Variants in COTL1 observed in about 807,000 individuals in gnomAD.
COTL1 encodes coactosin like F-actin binding protein 1, also known as coactosin-like protein.
COTL1 carries 15 observed loss-of-function variants against 16.5 expected under a neutral mutation model. The observed-to-expected ratio is 0.91, with a 90% confidence interval of 0.61 to 1.40. COTL1 has a LOEUF of 1.40. COTL1 is among the 40% of genes most tolerant of loss of function. The pLI is 0.00. For missense variants in COTL1, 220 were observed against 201.5 expected, an observed-to-expected ratio of 1.09 and a Z score of -0.56; for synonymous variants, 112 against 85.3, an observed-to-expected ratio of 1.31 and a Z score of -1.73.
intron 3 of COTL1, among the ~76,000 whole-genome samples, chr16:84,574,251 T>A (rs375798749): frequency 1.3e-5 from 2 of 152,328 alleles, no homozygotes; most frequent in African/African-American, 4.8e-5. Flanking sequence ...GCCCTGGGGA[T>A]GCGTTCCTGG....
intron 3 of COTL1, among the ~76,000 whole-genome samples, chr16:84,589,462 G>C (rs1904809177): frequency 6.6e-6 from 1 of 152,166 alleles, no homozygotes; most frequent in Non-Finnish European, 1.5e-5. Flanking sequence ...CGCAGTAAGA[G>C]GGAGAGATTC....
Position 84,590,844 on chromosome 16 carries a change from A to G in COTL1, c.161-582T>C, listed in dbSNP as rs1904844154. Among the ~76,000 whole-genome samples, 1 of 152,088 alleles carries G rather than the reference A, an allele frequency of 6.6e-6. No individual in the cohort carries two copies. Among genetic ancestry groups the G allele is most frequent in the South Asian group, 2.1e-4 (1 of 4,826 alleles). ...TACACTGTAGAGAGACAGGAGGGGC[A>G]AGGGGGGTGCTGGGTATGAAGAGGA... On this transcript the variant is annotated intron_variant, in intron 2 of 3. Transcript: ENST00000262428. The surrounding 1 kb of genome is among the most constrained non-coding windows in gnomAD (Gnocchi z 5.5).
rs533314316 is a variant in COTL1 at position 84,571,837 on chromosome 16, C to T, written c.319-4882G>A. 1.5e-4 allele frequency among the ~76,000 whole-genome samples: 23 copies of T among 152,342 alleles called. 1 individual carries two copies. Among genetic ancestry groups the T allele is most frequent in the Admixed American group, 1.4e-3 (21 of 15,308 alleles). On this transcript the variant is annotated intron_variant, in intron 3 of 3. Coordinates refer to ENST00000262428, the MANE Select transcript of COTL1 (RefSeq NM_021149.5). ...CTGCTCCTGAGTGGACACCGAGCCGCTCCCACCTTCTATAGGGCCAGCAGC... is the reference window on the plus strand; with the variant it reads ...CTGCTCCTGAGTGGACACCGAGCCGTTCCCACCTTCTATAGGGCCAGCAGC...
At chr16:84,572,339 T>C (rs1053268948) in intron 3 of COTL1, among the ~76,000 whole-genome samples, 2 of 152,104 alleles carry the variant, frequency 1.3e-5, no homozygotes, top group Non-Finnish European at 2.9e-5. Flanking sequence ...GACACAGCAC[T>C]TGCCAGCACC....
At chr16:84,591,184 ATTT>A (rs561534827) in intron 2 of COTL1, among the ~76,000 whole-genome samples, 2 of 139,516 alleles carry the variant, frequency 1.4e-5, no homozygotes, top group African/African-American at 2.7e-5. Flanking sequence ...ATATTCTGGA[ATTT>A]TTTTTTTTTT....
intron 3 of COTL1, 47 bp from the exon 4 acceptor site, chr16:84,567,002 A>T (rs1904301821): frequency 7.3e-7 from 1 of 1,376,802 alleles, no homozygotes; most frequent in African/African-American, 1.4e-5. Flanking sequence ...GAAGGAAGGC[A>T]CAGGATGTGA....
At chr16:84,616,920 C>T (rs1009964352) in intron 2 of COTL1, among the ~76,000 whole-genome samples, 9 of 152,154 alleles carry the variant, frequency 5.9e-5, no homozygotes, top group Non-Finnish European at 1.3e-4. Context: ...GCTATCTAGC[C>T]CCAAAAGCTA....
In COTL1 at chr16:84,566,582, A is replaced by G. The variant is rs1378934902; in HGVS notation, c.*263T>C. ...GCAGGCAGGACCTTGCATCAAAATG[A>G]CTTTTCTTTAGAACAAAAAAGAGGG... is the stretch of plus-strand genomic sequence containing the variant. On this transcript the variant is annotated 3_prime_UTR_variant, in exon 4 of 4. Transcript: ENST00000262428. 9.5e-6 allele frequency: 4 copies of G among 420,804 alleles called. No homozygotes were observed. Among genetic ancestry groups the G allele is most frequent in the African/African-American group, 8.1e-5 (4 of 49,528 alleles). The allele number at this position is 420,804 out of a possible 1,614,324, so 26.1% of individuals were successfully genotyped here.
chr16:84,612,716 G>C (rs761273532), intron 2 of COTL1, among the ~76,000 whole-genome samples: 1 of 152,104 alleles, frequency 6.6e-6, no homozygotes, highest in Non-Finnish European at 1.5e-5. Flanking sequence ...CCGGGAGGCA[G>C]AGGCTGCACT....
At chr16:84,576,635 A>C (rs977518918) in intron 3 of COTL1, 1 of 152,196 alleles carries the variant, frequency 6.6e-6, no homozygotes, top group Admixed American at 6.5e-5. Context: ...TGAAAGAAGA[A>C]GGCTGGACAA....
intron 2 of COTL1, among the ~76,000 whole-genome samples, chr16:84,614,713 C>G (rs1905426539): frequency 6.6e-6 from 1 of 152,126 alleles, no homozygotes; most frequent in South Asian, 2.1e-4. Context: ...GAAGCCCGAA[C>G]CAGAGTGGAA....
At position 84,617,589 on chromosome 16, in the gene COTL1, G is replaced by A; in HGVS notation, c.78-6C>T. The A allele has an allele frequency of 6.4e-7, 1 of 1,553,472 alleles. No individual in the cohort carries two copies. The highest frequency in any genetic ancestry group is 8.7e-7 in the Non-Finnish European group (1 of 1,147,708). On this transcript the variant is annotated splice_region_variant and splice_polypyrimidine_tract_variant and intron_variant, in intron 1 of 3. Transcript: ENST00000262428. ...CGTCATATTTAAAAGTCACCCTTTGGGTTGGGAGAAGAAAAAAACACACAC... is the reference window on the plus strand; with the variant it reads ...CGTCATATTTAAAAGTCACCCTTTGAGTTGGGAGAAGAAAAAAACACACAC...
chr16:84,577,093 C>G, intron 3 of COTL1: 1 of 152,244 alleles, frequency 6.6e-6, no homozygotes, highest in African/African-American at 2.4e-5. Context: ...GCTATGAAAC[C>G]CACTGGGCAC....
intron 2 of COTL1, among the ~76,000 whole-genome samples, chr16:84,602,218 G>A (rs2150693034): frequency 6.8e-6 from 1 of 146,248 alleles, no homozygotes; most frequent in African/African-American, 2.5e-5. Context: ...TGGGGGGGGT[G>A]CCATTTTATA....
chr16:84,584,604 G>C (rs1597172789), intron 3 of COTL1, among the ~76,000 whole-genome samples: 1 of 152,202 alleles, frequency 6.6e-6, no homozygotes, highest in African/African-American at 2.4e-5. Flanking sequence ...TGAACAACAA[G>C]ATTCACGCCC....
chr16:84,574,612 C>T (rs576206537), intron 3 of COTL1, among the ~76,000 whole-genome samples: 27 of 152,244 alleles, frequency 1.8e-4, no homozygotes, highest in African/African-American at 6.3e-4. Context: ...CTGAGACGGA[C>T]TCTCACTCTG....
chr16:84,613,652 A>C (rs2150698193), intron 2 of COTL1, among the ~76,000 whole-genome samples: 1 of 152,334 alleles, frequency 6.6e-6, no homozygotes, highest in East Asian at 1.9e-4. Context: ...TTACCCCAGC[A>C]AGGGAGGACA....
chr16:84,592,808 A>G (rs975448002), intron 2 of COTL1, among the ~76,000 whole-genome samples: 13 of 152,088 alleles, frequency 8.5e-5, no homozygotes, highest in African/African-American at 3.1e-4. Context: ...TTCAACAAGA[A>G]GCCGGGTGGT....
intron 2 of COTL1, among the ~76,000 whole-genome samples, chr16:84,605,272 G>A (rs1350859458): frequency 6.6e-6 from 1 of 152,194 alleles, no homozygotes; most frequent in Non-Finnish European, 1.5e-5. Context: ...GGGGCGAGAA[G>A]CACACACGCC....
Sources: gnomAD v4.1 joint callset for allele counts (sites outside exome capture counted in the v4.1 genomes callset) on GRCh38, gnomAD v4.1.1 for gene constraint, Gnocchi (gnomAD v3.1) non-coding constraint, MANE v1.5 for transcripts, NCBI Gene and HGNC (gene_info 2026-07-23, HGNC 2026-07-21) for gene names.